The following KTN1 variants were observed in gnomAD, a reference collection of about 807,000 sequenced individuals.
The protein encoded by KTN1 is kinectin 1, also known as kinectin.
A neutral mutation model predicts 222.5 loss-of-function variants in KTN1; 130 were observed. That is an observed-to-expected ratio of 0.58 (90% CI 0.51 to 0.68). The LOEUF is 0.68. Ranked by LOEUF, KTN1 falls within the 30% of genes least tolerant of loss-of-function variation. The probability of loss-of-function intolerance (pLI) is 0.00; values close to 1 mark genes in which losing one functional copy is unlikely to be tolerated. For missense variants in KTN1, 1,508 were observed against 1,500.4 expected, an observed-to-expected ratio of 1.01 and a Z score of -0.08; for synonymous variants, 512 against 496.3, an observed-to-expected ratio of 1.03 and a Z score of -0.42.
At chr14:55,626,872 TTTTC>T (rs992792486) in intron 5 of KTN1, among the ~76,000 whole-genome samples, 9 of 152,148 alleles carry the variant, frequency 5.9e-5, no homozygotes, top group African/African-American at 1.9e-4. Flanking sequence ...GCAACTTTTT[TTTTC>T]TTTTCCTTCT....
chr14:55,598,282 A>G (rs1052779775), intron 1 of KTN1, among the ~76,000 whole-genome samples: 3 of 152,090 alleles, frequency 2.0e-5, no homozygotes, highest in Admixed American at 1.3e-4. Flanking sequence ...AAATATACAA[A>G]AAATTAGCCG....
intron 40 of KTN1, chr14:55,675,630 C>G: frequency 2.4e-6 from 1 of 410,412 alleles, no homozygotes; most frequent in Non-Finnish European, 4.3e-6. Context: ...AACTGTAGTT[C>G]ATTTCTGTGG....
At chr14:55,581,657 A>G (rs1474205397) in intron 1 of KTN1, among the ~76,000 whole-genome samples, 1 of 152,122 alleles carries the variant, frequency 6.6e-6, no homozygotes, top group Non-Finnish European at 1.5e-5. Context: ...TTAAAGTTAG[A>G]ATTTTTGCTA....
Position 55,665,547 on chromosome 14 carries a change from T to C in KTN1, c.3177+1506T>C, listed in dbSNP as rs536028926. ...TTGATTGACCCAGTGCCATAAATTA[T>C]GTTGTGATGAAAAGGAACTATGTGA... On this transcript the variant is annotated intron_variant, in intron 33 of 43. Coordinates refer to ENST00000395314, the MANE Select transcript of KTN1 (RefSeq NM_001079521.2). Among the ~76,000 whole-genome samples, 6 of 152,212 alleles carry C rather than the reference T, an allele frequency of 3.9e-5. 1 individual carries two copies. In the South Asian group the frequency reaches 1.0e-3, roughly 26 times the overall value.
intron 41 of KTN1, among the ~76,000 whole-genome samples, chr14:55,677,211 C>T (rs1187138715): frequency 6.6e-6 from 1 of 152,160 alleles, no homozygotes; most frequent in Non-Finnish European, 1.5e-5. Flanking sequence ...CATGGTGGCT[C>T]ACGCCTGTAA....
intron 31 of KTN1, 116 bp from the exon 32 acceptor site, chr14:55,661,406 C>T: frequency 1.7e-6 from 1 of 591,154 alleles, no homozygotes; most frequent in Non-Finnish European, 3.1e-6. Flanking sequence ...ATGTACTTTT[C>T]AAGGTGCTAT....
intron 43 of KTN1, chr14:55,681,241 A>T (rs1052157619): frequency 6.5e-6 from 1 of 153,732 alleles, no homozygotes; most frequent in Non-Finnish European, 1.4e-5. Flanking sequence ...TTTGCATGTG[A>T]TCAGATACTG....
At chr14:55,646,498 T>C (rs1218018183) in intron 18 of KTN1, among the ~76,000 whole-genome samples, 48 of 113,876 alleles carry the variant, frequency 4.2e-4, no homozygotes, top group African/African-American at 1.5e-3. Flanking sequence ...TCCTTTCCTT[T>C]CCTTTCCTTT....
chr14:55,580,944 T>C (rs1462973710), intron 1 of KTN1, among the ~76,000 whole-genome samples: 1 of 152,086 alleles, frequency 6.6e-6, no homozygotes, highest in Admixed American at 6.5e-5. Flanking sequence ...AGTCCCCAGG[T>C]CAGGGCGGGA....
chr14:55,584,358 T>C (rs2032463092), intron 1 of KTN1, among the ~76,000 whole-genome samples: 1 of 152,286 alleles, frequency 6.6e-6, no homozygotes, highest in Admixed American at 6.5e-5. Flanking sequence ...TCTGCCCTGA[T>C]AGAAGTTGTG....
chr14:55,586,425 A>C (rs112289376), intron 1 of KTN1, among the ~76,000 whole-genome samples: 2 of 145,262 alleles, frequency 1.4e-5, no homozygotes, highest in Non-Finnish European at 3.1e-5. Flanking sequence ...GCATTATCAT[A>C]TCATATCATA....
chr14:55,666,471 G>C (rs993978285), intron 33 of KTN1, among the ~76,000 whole-genome samples: 1 of 149,210 alleles, frequency 6.7e-6, no homozygotes, highest in Non-Finnish European at 1.5e-5. Context: ...TTTTGTTTTT[G>C]GTGCGTGATA....
Position 55,658,538 on chromosome 14 carries a change from T to A in KTN1, c.2893-8T>A, listed in dbSNP as rs747615924. 2.0e-6 allele frequency: 3 copies of A among 1,518,060 alleles called. No homozygotes were observed. The South Asian group carries it at 3.4e-5, about 17-fold the overall frequency. The allele number at this position is 1,518,060 out of a possible 1,614,324, so 94.0% of individuals were successfully genotyped here. ...TTAGATACTGATGTTTAATTTTTATTTAATTAGGATGTACAAGATGAAAAC... is the reference window on the plus strand; with the variant it reads ...TTAGATACTGATGTTTAATTTTTATATAATTAGGATGTACAAGATGAAAAC... On this transcript the variant is annotated splice_polypyrimidine_tract_variant and splice_region_variant and intron_variant, in intron 29 of 43. Coordinates refer to ENST00000395314, the MANE Select transcript of KTN1 (RefSeq NM_001079521.2).
At chr14:55,644,235 A>G (rs1410476510) in intron 18 of KTN1, 2 of 496,386 alleles carry the variant, frequency 4.0e-6, no homozygotes, top group African/African-American at 2.0e-5. Context: ...TGTCATTTCC[A>G]CTTTTCTTTA....
intron 20 of KTN1, 40 bp from the exon 21 acceptor site, chr14:55,648,762 G>T: frequency 2.3e-6 from 3 of 1,310,146 alleles, no homozygotes; most frequent in South Asian, 1.2e-5. Flanking sequence ...ATATTTTTCA[G>T]AGAGTAAAAT....
chr14:55,670,829 T>C lies in KTN1; in HGVS notation c.3348+20T>C. On this transcript the variant is annotated intron_variant, in intron 35 of 43. Transcript: ENST00000395314. ...GTTAAGGTTAGTTCAGCAAATGAAC[T>C]GTTTGTAATTTAAACATAGAAAAAA... 1 of 1,491,802 alleles carries C rather than the reference T, an allele frequency of 6.7e-7. No individual in the cohort carries two copies. The highest frequency in any genetic ancestry group is 9.2e-7 in the Non-Finnish European group (1 of 1,082,224). The allele number at this position is 1,491,802 out of a possible 1,614,324, so 92.4% of individuals were successfully genotyped here.
intron 30 of KTN1, among the ~76,000 whole-genome samples, chr14:55,659,180 G>C (rs1462022865): frequency 6.6e-6 from 1 of 152,098 alleles, no homozygotes; most frequent in Non-Finnish European, 1.5e-5. Flanking sequence ...CAAGAAGCTT[G>C]AGAGATTATT....
At chr14:55,646,097 A>C (rs929926614) in intron 18 of KTN1, among the ~76,000 whole-genome samples, 3 of 148,828 alleles carry the variant, frequency 2.0e-5, no homozygotes, top group African/African-American at 7.8e-5. Flanking sequence ...CTTTGGACAT[A>C]AGATAAATTT....
At chr14:55,665,668 A>T (rs1214403878) in intron 33 of KTN1, among the ~76,000 whole-genome samples, 1 of 152,046 alleles carries the variant, frequency 6.6e-6, no homozygotes, top group Non-Finnish European at 1.5e-5. Flanking sequence ...TTATTTTTAA[A>T]GGCTAAATAC....
Sources: allele counts gnomAD v4.1 joint callset (sites outside exome capture counted in the v4.1 genomes callset), GRCh38; gene constraint gnomAD v4.1.1; transcripts MANE v1.5; gene names NCBI Gene and HGNC (gene_info 2026-07-23, HGNC 2026-07-21).